Variants in PTPRR observed in about 807,000 individuals in gnomAD.
PTPRR encodes protein tyrosine phosphatase receptor type R, also known as receptor-type tyrosine-protein phosphatase R.
PTPRR carries 38 observed loss-of-function variants against 77.2 expected under a neutral mutation model. The observed-to-expected ratio is 0.49, with a 90% confidence interval of 0.38 to 0.65. The LOEUF is 0.65. PTPRR is among the 30% of genes least tolerant of loss of function. PTPRR has a pLI of 0.00. For synonymous variants in PTPRR, 299 were observed against 283.1 expected (o/e 1.06, Z -0.57); for missense variants, 744 against 799.2 (o/e 0.93, Z 0.83).
intron 10 of PTPRR, chr12:70,671,969 A>G: frequency 8.3e-7 from 1 of 1,204,448 alleles, no homozygotes; most frequent in East Asian, 2.3e-5. Context: ...GCAGGCTCAG[A>G]AGTGGCCCTT....
chr12:70,904,433 C>T lies in PTPRR; in HGVS notation c.59-11456G>A, dbSNP rs150384199. On this transcript the variant is annotated intron_variant, in intron 1 of 13. Coordinates refer to ENST00000283228, the MANE Select transcript of PTPRR (RefSeq NM_002849.4). Reference sequence around the variant, plus strand: ...TGAATATAAAAGGCATTAAGTTGAGCGAAAGAAGCCAGTCTCAAAAAGTCA... The same window carrying T: ...TGAATATAAAAGGCATTAAGTTGAGTGAAAGAAGCCAGTCTCAAAAAGTCA... Among the ~76,000 whole-genome samples, 627 of 151,788 alleles carry T rather than the reference C, an allele frequency of 4.1e-3. 6 individuals are homozygous for T. The highest frequency in any genetic ancestry group is 0.027 in the Middle Eastern group (8 of 294).
chr12:70,737,712 G>A (rs1889918585), intron 6 of PTPRR, among the ~76,000 whole-genome samples: 1 of 151,952 alleles, frequency 6.6e-6, no homozygotes, highest in Admixed American at 6.6e-5. Context: ...TTGTAGAGAC[G>A]GGGTCTCACT....
intron 2 of PTPRR, among the ~76,000 whole-genome samples, chr12:70,817,717 T>C (rs897687322): frequency 5.9e-5 from 9 of 152,158 alleles, no homozygotes; most frequent in Admixed American, 1.3e-4. Context: ...CCACATCCTC[T>C]AAGAAAGGAG....
At chr12:70,783,650 C>T (rs983647909) in intron 2 of PTPRR, among the ~76,000 whole-genome samples, 4 of 151,868 alleles carry the variant, frequency 2.6e-5, no homozygotes, top group African/African-American at 9.7e-5. Flanking sequence ...TGCTCTGGGT[C>T]TGCAGGACTG....
intron 2 of PTPRR, among the ~76,000 whole-genome samples, chr12:70,765,524 G>A (rs905467227): frequency 6.6e-6 from 1 of 152,200 alleles, no homozygotes; most frequent in Non-Finnish European, 1.5e-5. Flanking sequence ...CAACTGGGTG[G>A]AGCCCACCAC....
intron 6 of PTPRR, among the ~76,000 whole-genome samples, chr12:70,727,466 T>C (rs1389685833): frequency 6.6e-6 from 1 of 152,106 alleles, no homozygotes; most frequent in African/African-American, 2.4e-5. Flanking sequence ...AACTTATGAG[T>C]TAATTTGTTA....
intron 1 of PTPRR, among the ~76,000 whole-genome samples, chr12:70,898,245 G>A (rs933556086): frequency 2.7e-5 from 4 of 148,312 alleles, no homozygotes; most frequent in Non-Finnish European, 4.5e-5. Context: ...AAAAAAGCCA[G>A]CCTAGTAAAT....
chr12:70,792,890 T>C lies in PTPRR; in HGVS notation c.358-28112A>G, dbSNP rs140199959. Among the ~76,000 whole-genome samples, 44 of 152,214 alleles carry C rather than the reference T, an allele frequency of 2.9e-4. No homozygotes were observed. In the East Asian group the frequency reaches 7.9e-3, roughly 27 times the overall value. ...CAGAGCAACATTAATTCTTCCAAAA[T>C]TGAAGAATTTTAGCAGAATTCTTTC... On this transcript the variant is annotated intron_variant, in intron 2 of 13. Coordinates refer to ENST00000283228, the MANE Select transcript of PTPRR (RefSeq NM_002849.4).
intron 1 of PTPRR, chr12:70,906,905 G>C (rs188508446): frequency 7.9e-5 from 12 of 152,330 alleles, no homozygotes; most frequent in African/African-American, 2.4e-4. Flanking sequence ...CTTATTAAAA[G>C]AACACTTCCA....
chr12:70,869,091 G>C (rs1256497240), intron 2 of PTPRR, among the ~76,000 whole-genome samples: 1 of 149,980 alleles, frequency 6.7e-6, no homozygotes, highest in Non-Finnish European at 1.5e-5. Flanking sequence ...GCTAAATGAC[G>C]AGTTAATGGG....
chr12:70,843,496 T>G (rs1301066157), intron 2 of PTPRR, among the ~76,000 whole-genome samples: 1 of 152,182 alleles, frequency 6.6e-6, no homozygotes, highest in Non-Finnish European at 1.5e-5. Context: ...CATAGTTAAG[T>G]GCACTTTAAT....
At chr12:70,872,492 G>A (rs928755738) in intron 2 of PTPRR, among the ~76,000 whole-genome samples, 4 of 151,604 alleles carry the variant, frequency 2.6e-5, no homozygotes, top group Non-Finnish European at 5.9e-5. Context: ...TCAGGAGATC[G>A]AGACCATCCT....
chr12:70,810,278 T>G (rs1046304480), intron 2 of PTPRR, among the ~76,000 whole-genome samples: 1 of 152,196 alleles, frequency 6.6e-6, no homozygotes, highest in Admixed American at 6.5e-5. Context: ...TCAAAGCACA[T>G]ACAGTCCCTA....
intron 2 of PTPRR, among the ~76,000 whole-genome samples, chr12:70,812,130 T>C (rs550655592): frequency 2.0e-5 from 3 of 152,220 alleles, no homozygotes; most frequent in African/African-American, 7.2e-5. Context: ...TCCTTACTGA[T>C]CACTTTTTTT....
chr12:70,828,668 G>A (rs1448791778), intron 2 of PTPRR, among the ~76,000 whole-genome samples: 1 of 152,110 alleles, frequency 6.6e-6, no homozygotes, highest in Non-Finnish European at 1.5e-5. Flanking sequence ...GATTCATATC[G>A]ATTCTTATTA....
intron 6 of PTPRR, among the ~76,000 whole-genome samples, chr12:70,709,142 T>C (rs1470313044): frequency 2.0e-5 from 3 of 152,050 alleles, no homozygotes; most frequent in Non-Finnish European, 4.4e-5. Flanking sequence ...AAGTAGGCTT[T>C]ATCCTGGGAT....
At chr12:70,749,505 GA>G (rs1252883617) in intron 5 of PTPRR, among the ~76,000 whole-genome samples, 1 of 151,694 alleles carries the variant, frequency 6.6e-6, no homozygotes, top group Non-Finnish European at 1.5e-5. Context: ...TCTTAATACA[GA>G]AAAAAAATTG....
At chr12:70,887,450 C>CA (rs60758353) in intron 2 of PTPRR, among the ~76,000 whole-genome samples, 11 of 151,062 alleles carry the variant, frequency 7.3e-5, no homozygotes, top group Non-Finnish European at 1.3e-4. Flanking sequence ...AGACTCTTTC[C>CA]AAAAAAAAAT....
intron 2 of PTPRR, among the ~76,000 whole-genome samples, chr12:70,826,853 T>C (rs1237490464): frequency 2.6e-5 from 4 of 152,150 alleles, no homozygotes; most frequent in Non-Finnish European, 4.4e-5. Flanking sequence ...TTGGATCTGA[T>C]CCCTCCTCCT....
Sources: gnomAD v4.1 joint callset for allele counts (sites outside exome capture counted in the v4.1 genomes callset) on GRCh38, gnomAD v4.1.1 for gene constraint, MANE v1.5 for transcripts, NCBI Gene and HGNC (gene_info 2026-07-23, HGNC 2026-07-21) for gene names.